Variants in FSIP2 observed in about 807,000 individuals in gnomAD.
FSIP2 encodes the protein fibrous sheath-interacting protein 2.
FSIP2 carries 367 observed loss-of-function variants against 510.5 expected under a neutral mutation model. The observed-to-expected ratio is 0.72, with a 90% CI of 0.66 to 0.78. The LOEUF (loss-of-function observed/expected upper bound fraction) is 0.78. FSIP2 is among the 30% of genes least tolerant of loss of function. FSIP2 has a pLI of 0.00. For synonymous variants in FSIP2, 2,601 were observed against 2,732.2 expected (o/e 0.95, Z 1.50); for missense variants, 7,594 against 7,901.7 (o/e 0.96, Z 1.48).
Position 185,815,384 on chromosome 2 carries a change from A to C in FSIP2, c.20339A>C (p.Asn6780Thr). Residue 6780 changes from asparagine (N) to threonine (T), a missense_variant, in exon 19 of 23, where the codon AAT becomes ACT. Physicochemically the swap from Asn to Thr is moderately conservative, Grantham distance 65. Transcript: ENST00000424728. ...EKPQCKKEEKNLVTEPTHYFI... is the reference protein window; with the variant it reads ...EKPQCKKEEKTLVTEPTHYFI... Reference sequence around the variant, plus strand: ...GTCCTTTTCCAGAAAGAAGAAAAGAATCTTGTTACTGAACCAACACATTAC... The same window carrying C: ...GTCCTTTTCCAGAAAGAAGAAAAGACTCTTGTTACTGAACCAACACATTAC... 1 of 1,466,840 alleles carries C rather than the reference A, an allele frequency of 6.8e-7. No individual in the cohort carries two copies. The highest frequency in any genetic ancestry group is 9.4e-7 in the Non-Finnish European group (1 of 1,060,408). 90.9% of individuals were successfully genotyped at this position (1,466,840 alleles called of 1,614,324 possible). A position where few individuals can be genotyped will look rare whatever the true frequency, so the allele number is the denominator to read the frequency against.
At chr2:185,776,537 T>A (rs945283025) in intron 13 of FSIP2, among the ~76,000 whole-genome samples, 2 of 152,202 alleles carry the variant, frequency 1.3e-5, no homozygotes, top group Non-Finnish European at 2.9e-5. Flanking sequence ...TAAATCTCTA[T>A]TGACATTAAT....
chr2:185,827,007 C>T (rs1454703386), intron 20 of FSIP2, among the ~76,000 whole-genome samples: 1 of 151,814 alleles, frequency 6.6e-6, no homozygotes, highest in Non-Finnish European at 1.5e-5. Context: ...GCCTCTTCAT[C>T]AAAACAACTT....
At chr2:185,743,573 C>G (rs1007208690) in intron 3 of FSIP2, among the ~76,000 whole-genome samples, 2 of 152,092 alleles carry the variant, frequency 1.3e-5, no homozygotes, top group South Asian at 2.1e-4. Flanking sequence ...TATTTTCCCA[C>G]GTGTATTATA....
At chr2:185,750,603 G>GTTT (rs71014622) in intron 7 of FSIP2, among the ~76,000 whole-genome samples, 10 of 136,436 alleles carry the variant, frequency 7.3e-5, no homozygotes, top group Non-Finnish European at 1.6e-4. Flanking sequence ...GCATTTCTCT[G>GTTT]TTTTTTTTTT....
At chr2:185,762,942 G>T (rs190556314) in intron 11 of FSIP2, among the ~76,000 whole-genome samples, 55 of 151,504 alleles carry the variant, frequency 3.6e-4, no homozygotes, top group African/African-American at 1.1e-3. Flanking sequence ...ATTAAATAAG[G>T]ATTTCAGGCT....
chr2:185,797,268 G>A lies in FSIP2; in HGVS notation c.10132G>A (p.Glu3378Lys), dbSNP rs760834720. Residue 3378 changes from glutamate to lysine, a missense_variant, in exon 16 of 23, where the codon GAA becomes AAA. Coordinates refer to ENST00000424728, the MANE Select transcript of FSIP2 (RefSeq NM_173651.4). ...AGTATCTGGAGGGCAAAAGGATAAC[G>A]AAAAAAGTTTGCTTAGAATGCAGGA... ...SEVSGGQKDNEKSLLRMQDKK... is the reference protein window; with the variant it reads ...SEVSGGQKDNKKSLLRMQDKK... 469 of 1,532,592 alleles carry A rather than the reference G, an allele frequency of 3.1e-4. No individual in the cohort carries two copies. Among genetic ancestry groups the A allele is most frequent in the Non-Finnish European group, 3.8e-4 (438 of 1,145,608 alleles). The allele number at this position is 1,532,592 out of a possible 1,614,324, so 94.9% of individuals were successfully genotyped here. A position where few individuals can be genotyped will look rare whatever the true frequency, so the allele number is the denominator to read the frequency against.
At chr2:185,784,243 T>C (rs1412477761) in intron 14 of FSIP2, 1 of 152,086 alleles carries the variant, frequency 6.6e-6, no homozygotes, top group Non-Finnish European at 1.5e-5. Context: ...TTGCAGCAAT[T>C]AAGGGTTGCA....
intron 2 of FSIP2, among the ~76,000 whole-genome samples, chr2:185,742,389 A>G (rs1207558881): frequency 6.6e-6 from 1 of 152,244 alleles, no homozygotes; most frequent in African/African-American, 2.4e-5. Context: ...ACATGACTAG[A>G]AACTGATTAT....
At chr2:185,772,636 G>A (rs1420809327) in intron 13 of FSIP2, among the ~76,000 whole-genome samples, 1 of 152,100 alleles carries the variant, frequency 6.6e-6, no homozygotes, top group Non-Finnish European at 1.5e-5. Context: ...CTGCACCTAT[G>A]ATCCAAACAC....
At chr2:185,753,249 C>T (rs1052186549) in intron 7 of FSIP2, among the ~76,000 whole-genome samples, 4 of 151,414 alleles carry the variant, frequency 2.6e-5, no homozygotes, top group Non-Finnish European at 4.4e-5. Flanking sequence ...ACTGCAAGAA[C>T]CCTCTAAGAA....
chr2:185,746,721 G>T lies in FSIP2; in HGVS notation c.670G>T (p.Glu224Ter), dbSNP rs1276330024. ...KLEQLERTAE[E>*]QRLFLMDREE... Reference sequence around the variant, plus strand: ...AGAACAACTTGAACGCACAGCAGAAGAACAACGCCTATTCCTAATGGATAG... The same window carrying T: ...AGAACAACTTGAACGCACAGCAGAATAACAACGCCTATTCCTAATGGATAG... The change falls in exon 6 of 23, where the codon GAA becomes TAA. Residue 224 changes from glutamate (E) to a stop codon, truncating the protein, a stop_gained. Coordinates refer to ENST00000424728, the MANE Select transcript of FSIP2 (RefSeq NM_173651.4). LOFTEE classifies it high-confidence loss of function. The T allele has an allele frequency of 6.5e-7, 1 of 1,531,996 alleles. No homozygotes were observed. Among genetic ancestry groups the T allele is most frequent in the Admixed American group, 2.0e-5 (1 of 50,322 alleles). 94.9% of individuals were successfully genotyped at this position (1,531,996 alleles called of 1,614,324 possible).
chr2:185,805,132 T>C lies in FSIP2; in HGVS notation c.15826T>C (p.Phe5276Leu), dbSNP rs779505902. The change falls in exon 17 of 23, where the codon TTT becomes CTT. Residue 5276 changes from phenylalanine (F) to leucine (L), a missense_variant. Physicochemically the swap from Phe to Leu is conservative, Grantham distance 22. Coordinates refer to ENST00000424728, the MANE Select transcript of FSIP2 (RefSeq NM_173651.4). The part of the protein sequence containing the change: ...KTQPSLYSAT[F>L]LEDIIIDLVH... ...ACAGCCTTCTCTCTATTCAGCTACA[T>C]TTTTGGAAGACATAATCATTGACCT... The C allele has an allele frequency of 1.2e-6, 2 of 1,609,848 alleles. No homozygotes were observed. The highest frequency in any genetic ancestry group is 2.7e-5 in the African/African-American group (2 of 74,674).
intron 13 of FSIP2, among the ~76,000 whole-genome samples, chr2:185,767,157 G>A (rs892145402): frequency 6.1e-5 from 9 of 146,678 alleles, no homozygotes; most frequent in African/African-American, 2.0e-4. Context: ...ATCACACTCT[G>A]GGGACTGTTG....
chr2:185,818,880 A>G (rs1192520934), intron 19 of FSIP2, among the ~76,000 whole-genome samples: 3 of 151,986 alleles, frequency 2.0e-5, no homozygotes, highest in East Asian at 1.9e-4. Flanking sequence ...TCAGAGCCAT[A>G]TGAAATTATG....
At chr2:185,755,851 G>C (rs1207402567) in intron 8 of FSIP2, among the ~76,000 whole-genome samples, 1 of 151,550 alleles carries the variant, frequency 6.6e-6, no homozygotes, top group Non-Finnish European at 1.5e-5. Context: ...AAGAATTACA[G>C]CAGTCACTGT....
At chr2:185,783,557 A>G (rs1692900478) in intron 14 of FSIP2, 1 of 152,166 alleles carries the variant, frequency 6.6e-6, no homozygotes, top group Non-Finnish European at 1.5e-5. Flanking sequence ...TGAAATAATA[A>G]TTTTTACTTT....
chr2:185,802,378 A>G lies in FSIP2; in HGVS notation c.13072A>G (p.Lys4358Glu). The G allele has an allele frequency of 6.5e-7, 1 of 1,532,772 alleles. No homozygotes were observed. The highest frequency in any genetic ancestry group is 2.0e-5 in the Admixed American group (1 of 50,620). 94.9% of individuals were successfully genotyped at this position (1,532,772 alleles called of 1,614,324 possible). A position where few individuals can be genotyped will look rare whatever the true frequency, so the allele number is the denominator to read the frequency against. ...TAAAATTCACATTCTCTATGATGAC[A>G]AAGAACAGGCTTTCTTTTCTTTCAA... Reference protein sequence around the residue: ...KAKIHILYDDKEQAFFSFNTD... With the variant: ...KAKIHILYDDEEQAFFSFNTD... Residue 4358 changes from lysine (K) to glutamate (E), a missense_variant, in exon 17 of 23, where the codon AAA becomes GAA. Lys to Glu is a moderately conservative substitution (Grantham distance 56, BLOSUM62 1). Coordinates refer to ENST00000424728, the MANE Select transcript of FSIP2 (RefSeq NM_173651.4).
chr2:185,804,743 C>T lies in FSIP2; in HGVS notation c.15437C>T (p.Pro5146Leu), dbSNP rs201201721. 4.8e-5 allele frequency: 74 copies of T among 1,530,162 alleles called. 1 individual carries two copies. The highest frequency in any genetic ancestry group is 9.7e-5 in the African/African-American group (7 of 72,460). 94.8% of individuals were successfully genotyped at this position (1,530,162 alleles called of 1,614,324 possible). ...GAACTAAAAGAGAAAAAGTTTCCAC[C>T]GGATGATGAATTTGTGGAGGCAGCT... ...ENELKEKKFP[P>L]DDEFVEAASK... Residue 5146 changes from proline (P) to leucine (L), a missense_variant, in exon 17 of 23, where the codon CCG becomes CTG. Pro to Leu is a moderately conservative substitution (Grantham distance 98). Coordinates refer to ENST00000424728, the MANE Select transcript of FSIP2 (RefSeq NM_173651.4).
intron 19 of FSIP2, among the ~76,000 whole-genome samples, chr2:185,821,935 A>G (rs1305676941): frequency 6.6e-6 from 1 of 151,892 alleles, no homozygotes; most frequent in Non-Finnish European, 1.5e-5. Flanking sequence ...CAAAAAAAAA[A>G]AAAAAAAATC....
Sources: allele counts gnomAD v4.1 joint callset (sites outside exome capture counted in the v4.1 genomes callset), GRCh38; gene constraint gnomAD v4.1.1; transcripts MANE v1.5; gene names NCBI Gene and HGNC (gene_info 2026-07-23, HGNC 2026-07-21).